The following TNIK variants were observed in gnomAD, a reference collection of about 807,000 sequenced individuals.
TNIK encodes the protein TRAF2 and NCK interacting kinase.
TNIK carries 49 observed loss-of-function variants against 191.3 expected under a neutral mutation model. The ratio of observed to expected loss-of-function variants is 0.26; its 90% CI spans 0.20 to 0.32. The LOEUF (loss-of-function observed/expected upper bound fraction) is 0.32. Among genes scored for constraint, TNIK ranks in the 10% least tolerant of loss-of-function variants. TNIK has a pLI of 1.00. For synonymous variants in TNIK, 594 were observed against 600.9 expected (o/e 0.99, Z 0.17); for missense variants, 1,155 against 1,702.3 (o/e 0.68, Z 5.66).
chr3:171,147,837 T>G (rs1398536425), intron 12 of TNIK, among the ~76,000 whole-genome samples: 1 of 152,142 alleles, frequency 6.6e-6, no homozygotes, highest in Non-Finnish European at 1.5e-5. Context: ...AGGATTTATA[T>G]TCCATGCCTG....
At chr3:171,180,669 C>T (rs1418854379) in intron 7 of TNIK, among the ~76,000 whole-genome samples, 2 of 152,194 alleles carry the variant, frequency 1.3e-5, no homozygotes, top group East Asian at 3.9e-4. Flanking sequence ...CCTTTCACTT[C>T]ACAAATGAGG....
intron 2 of TNIK, among the ~76,000 whole-genome samples, chr3:171,270,263 C>T (rs1485962405): frequency 6.6e-6 from 1 of 152,108 alleles, no homozygotes; most frequent in Non-Finnish European, 1.5e-5. Flanking sequence ...CCCGTAGTAT[C>T]AATATTTACA....
rs769452290 is a variant in TNIK, at chr3:171,185,626, A to G, written c.639+3076T>C. On this transcript the variant is annotated intron_variant, in intron 7 of 32. Coordinates refer to ENST00000436636, the MANE Select transcript of TNIK (RefSeq NM_015028.4). The stretch of plus-strand genomic sequence containing the variant: ...GGCACTCCTCCTTAGGAGAGGGTCT[A>G]TTTTCAGTGAGTTACTTACTGTGCC... 1.2e-3 allele frequency among the ~76,000 whole-genome samples: 176 copies of G among 152,282 alleles called. 3 individuals carry two copies. Among genetic ancestry groups the G allele is most frequent in the Non-Finnish European group, 5.0e-4 (34 of 68,016 alleles).
At chr3:171,213,874 G>A (rs552453441) in intron 3 of TNIK, among the ~76,000 whole-genome samples, 1 of 152,072 alleles carries the variant, frequency 6.6e-6, no homozygotes, top group African/African-American at 2.4e-5. Flanking sequence ...GATATTATAA[G>A]TCCCAGCATT....
At chr3:171,125,885 TA>T (rs767996377) in intron 17 of TNIK, 26 bp downstream of exon 17, 14 of 1,610,492 alleles carry the variant, frequency 8.7e-6, no homozygotes, top group Admixed American at 5.0e-5. Context: ...TGCTGGTGAT[TA>T]AAAAAAACAC....
Position 171,338,351 on chromosome 3 carries a change from C to T in TNIK, c.123+31269G>A, listed in dbSNP as rs138164343. Reference sequence around the variant, plus strand: ...TTTTCCCAGTTTTCTAGGTTCATGACGTTAAGAAAGCTGAACCTCACCAGA... The same window carrying T: ...TTTTCCCAGTTTTCTAGGTTCATGATGTTAAGAAAGCTGAACCTCACCAGA... On this transcript the variant is annotated intron_variant, in intron 2 of 32. Coordinates refer to ENST00000436636, the MANE Select transcript of TNIK (RefSeq NM_015028.4). 2.9e-3 allele frequency among the ~76,000 whole-genome samples: 437 copies of T among 152,190 alleles called. 4 individuals carry two copies. The highest frequency in any genetic ancestry group is 0.01 in the African/African-American group (417 of 41,508).
chr3:171,112,264 C>A (rs1725964848), intron 18 of TNIK, among the ~76,000 whole-genome samples: 1 of 152,136 alleles, frequency 6.6e-6, no homozygotes. Flanking sequence ...ATAGTCCCGT[C>A]CCCAGTGCAA....
At chr3:171,284,376 G>A (rs1577349888) in intron 2 of TNIK, among the ~76,000 whole-genome samples, 1 of 152,130 alleles carries the variant, frequency 6.6e-6, no homozygotes, top group South Asian at 2.1e-4. Context: ...CTCACATGCA[G>A]CATTTTAAAA....
chr3:171,092,031 C>A (rs1276103734), intron 23 of TNIK, among the ~76,000 whole-genome samples: 1 of 151,318 alleles, frequency 6.6e-6, no homozygotes, highest in East Asian at 2.0e-4. Flanking sequence ...CTCACTGCAA[C>A]CTCTGCCTCC....
intron 2 of TNIK, among the ~76,000 whole-genome samples, chr3:171,231,294 T>C (rs932564387): frequency 1.3e-5 from 2 of 151,280 alleles, no homozygotes; most frequent in Non-Finnish European, 1.5e-5. Context: ...TACTGTTTTT[T>C]GTTTTGTTGT....
At chr3:171,424,984 A>AAT (rs553796016) in intron 1 of TNIK, among the ~76,000 whole-genome samples, 3 of 7,708 alleles carry the variant, frequency 3.9e-4, no homozygotes, top group African/African-American at 8.8e-4. Flanking sequence ...AAAGCATAAT[A>AAT]AAAAAAAAAA....
At chr3:171,153,311 C>G (rs559408923) in intron 12 of TNIK, among the ~76,000 whole-genome samples, 1 of 152,112 alleles carries the variant, frequency 6.6e-6, no homozygotes, top group Non-Finnish European at 1.5e-5. Flanking sequence ...CCTACACTCT[C>G]TTCTCATGTG....
chr3:171,427,951 T>C (rs1285783309), intron 1 of TNIK, among the ~76,000 whole-genome samples: 1 of 152,136 alleles, frequency 6.6e-6, no homozygotes, highest in African/African-American at 2.4e-5. Flanking sequence ...TGCAGTCTCC[T>C]GGAGGGCTTG....
intron 21 of TNIK, among the ~76,000 whole-genome samples, chr3:171,105,678 A>T (rs985234652): frequency 6.6e-5 from 10 of 152,206 alleles, no homozygotes; most frequent in Non-Finnish European, 1.5e-4. Context: ...CACCAAAAAA[A>T]AGTAGAGCAA....
chr3:171,085,995 A>G (rs1010653600), intron 24 of TNIK, among the ~76,000 whole-genome samples: 1 of 152,202 alleles, frequency 6.6e-6, no homozygotes, highest in Non-Finnish European at 1.5e-5. Flanking sequence ...GTTTTATGTC[A>G]CAATATTCTA....
intron 31 of TNIK, 93 bp from the exon 32 acceptor site, chr3:171,066,419 CGACTT>C (rs1576881494): frequency 6.4e-7 from 1 of 1,571,082 alleles, no homozygotes; most frequent in Non-Finnish European, 8.7e-7. Flanking sequence ...AAATGACAAA[CGACTT>C]GAGATAAATG....
At chr3:171,244,246 T>C (rs1295237824) in intron 2 of TNIK, among the ~76,000 whole-genome samples, 22 of 151,930 alleles carry the variant, frequency 1.4e-4, no homozygotes, top group Admixed American at 1.4e-3. Flanking sequence ...TTGTATTTTT[T>C]AGTAGAGACG....
intron 18 of TNIK, among the ~76,000 whole-genome samples, chr3:171,118,855 A>T (rs1727198331): frequency 6.6e-6 from 1 of 152,246 alleles, no homozygotes. Context: ...AACCTAGGCA[A>T]TACCATTCAG....
At chr3:171,155,561 C>G (rs1297468874) in intron 12 of TNIK, among the ~76,000 whole-genome samples, 1 of 152,232 alleles carries the variant, frequency 6.6e-6, no homozygotes. Context: ...CCAGGATTGA[C>G]AGGGTGTGTC....
Sources: gnomAD v4.1 joint callset for allele counts (sites outside exome capture counted in the v4.1 genomes callset) on GRCh38, gnomAD v4.1.1 for gene constraint, MANE v1.5 for transcripts, NCBI Gene and HGNC (gene_info 2026-07-23, HGNC 2026-07-21) for gene names.